The following ZFR variants were observed in gnomAD, a reference collection of about 807,000 sequenced individuals.
ZFR encodes the protein zinc finger RNA binding protein.
Under a neutral mutation model 130.7 loss-of-function variants are expected in ZFR, and 19 were observed. The observed-to-expected ratio is 0.15, with a 90% CI of 0.10 to 0.21. The LOEUF (loss-of-function observed/expected upper bound fraction) is 0.21, where lower values mean the gene tolerates loss of function less well. ZFR is among the 10% of genes least tolerant of loss of function. The pLI is 1.00. For synonymous variants in ZFR, 466 were observed against 456.9 expected, an observed-to-expected ratio of 1.02 and a Z score of -0.25; for missense variants, 872 against 1,321.5, an observed-to-expected ratio of 0.66 and a Z score of 5.27.
intron 2 of ZFR, among the ~76,000 whole-genome samples, chr5:32,441,782 T>C (rs1303259264): frequency 6.6e-6 from 1 of 152,230 alleles, no homozygotes; most frequent in African/African-American, 2.4e-5. Flanking sequence ...TGCCATTAAA[T>C]GCAAACACTT....
chr5:32,439,573 C>A (rs1168413500), intron 2 of ZFR, among the ~76,000 whole-genome samples: 1 of 152,022 alleles, frequency 6.6e-6, no homozygotes, highest in Non-Finnish European at 1.5e-5. Context: ...TAAGGTACAG[C>A]AATAGTCAAA....
intron 19 of ZFR, among the ~76,000 whole-genome samples, chr5:32,360,397 C>T (rs1395391327): frequency 2.6e-5 from 4 of 152,198 alleles, no homozygotes; most frequent in African/African-American, 9.7e-5. Flanking sequence ...ACCCCTCTAT[C>T]CTTAGGCCCT....
At chr5:32,437,404 A>C (rs1004545645) in intron 2 of ZFR, among the ~76,000 whole-genome samples, 5 of 152,210 alleles carry the variant, frequency 3.3e-5, no homozygotes, top group Admixed American at 2.6e-4. Flanking sequence ...CTAATATTCA[A>C]ATAAAACAAA....
intron 11 of ZFR, among the ~76,000 whole-genome samples, chr5:32,390,665 A>G (rs147768003): frequency 6.6e-6 from 1 of 152,192 alleles, no homozygotes; most frequent in African/African-American, 2.4e-5. Context: ...TAAAAAGAAC[A>G]GGCATCAGAA....
chr5:32,379,095 T>C lies in ZFR; in HGVS notation c.2835+20A>G. On this transcript the variant is annotated intron_variant, in intron 17 of 19. Transcript: ENST00000265069. ...TTATTTCCTACATGTTTTTACACCA[T>C]ACAGTTACGTACTACTTACCCAGCT... is the stretch of plus-strand genomic sequence containing the variant. 1 of 1,566,326 alleles carries C rather than the reference T, an allele frequency of 6.4e-7. No individual in the cohort carries two copies. The highest frequency in any genetic ancestry group is 8.8e-7 in the Non-Finnish European group (1 of 1,137,250).
chr5:32,444,557 G>A (rs984966387), intron 1 of ZFR, 65 bp downstream of exon 1: 3 of 1,432,610 alleles, frequency 2.1e-6, no homozygotes, highest in Admixed American at 7.1e-5. Flanking sequence ...AACCCCCGCG[G>A]CTCCCCGCTG....
At position 32,415,063 on chromosome 5, in the gene ZFR, T is replaced by C; in HGVS notation, c.690A>G (p.Val230=). 1.2e-6 allele frequency: 2 copies of C among 1,614,146 alleles called. No homozygotes were observed. Among genetic ancestry groups the C allele is most frequent in the Middle Eastern group, 1.6e-4 (1 of 6,062 alleles). The stretch of plus-strand genomic sequence containing the variant: ...CTGCTACTGGCTGTACGGTGGAGGA[T>C]ACAGGATAGATGGAGAAAGTAGTGG... ...PATTTFSIYP[V]SSTVQPVAAA... is the part of the protein sequence containing the mutation. Residue 230 remains valine (V), a synonymous_variant, in exon 5 of 20, where the codon GTA becomes GTG. Transcript: ENST00000265069.
Position 32,390,458 on chromosome 5 carries a change from T to C in ZFR, c.1980-21A>G, listed in dbSNP as rs779425634. On this transcript the variant is annotated intron_variant, in intron 11 of 19. Transcript: ENST00000265069. Reference sequence around the variant, plus strand: ...AACGTCTGAAACATAAAGAATGACATTATAAGCATATGAGGAAAAATACAG... The same window carrying C: ...AACGTCTGAAACATAAAGAATGACACTATAAGCATATGAGGAAAAATACAG... The C allele has an allele frequency of 2.5e-6, 4 of 1,599,548 alleles. 1 individual carries two copies. The South Asian group carries it at 4.4e-5, about 18-fold the overall frequency.
intron 12 of ZFR, among the ~76,000 whole-genome samples, chr5:32,389,575 G>T (rs891276624): frequency 2.0e-5 from 3 of 151,952 alleles, no homozygotes. Flanking sequence ...CCGGCTACTC[G>T]GGAAGCTGAG....
Position 32,390,431 on chromosome 5 carries a change from A to G in ZFR, c.1986T>C (p.Tyr662=). Residue 662 remains tyrosine, a synonymous_variant, in exon 12 of 20, where the codon TAT becomes TAC. Coordinates refer to ENST00000265069, the MANE Select transcript of ZFR (RefSeq NM_016107.5). ...TTCTCCTCCAGTACATGTCCTCTTC[A>G]TAACGTCTGAAACATAAAGAATGAC... ...EERWRMEMRR[Y]EEDMYWRRME... The G allele has an allele frequency of 1.9e-6, 3 of 1,613,250 alleles. No individual in the cohort carries two copies. The highest frequency in any genetic ancestry group is 1.3e-5 in the African/African-American group (1 of 75,032).
rs775947393 is a variant in ZFR at position 32,379,166 on chromosome 5, A to T, written c.2784T>A (p.Ile928=). ...GLQSCVIIIR[I]LRDLCQRVPT... ...GAACTCGCTGACAGAGGTCTCGAAG[A>T]ATGCGTATGATAATCACACAGGACT... Residue 928 remains isoleucine, a synonymous_variant, in exon 17 of 20, where the codon ATT becomes ATA. Coordinates refer to ENST00000265069, the MANE Select transcript of ZFR (RefSeq NM_016107.5). 7 of 1,614,040 alleles carry T rather than the reference A, an allele frequency of 4.3e-6. No homozygotes were observed. Among genetic ancestry groups the T allele is most frequent in the Non-Finnish European group, 4.2e-6 (5 of 1,179,966 alleles).
At chr5:32,387,877 AAAAAAAT>A (rs1251047500) in intron 13 of ZFR, among the ~76,000 whole-genome samples, 178 bp from the exon 14 acceptor site, 1 of 152,210 alleles carries the variant, frequency 6.6e-6, no homozygotes, top group Non-Finnish European at 1.5e-5. Context: ...TGGATAAAAA[AAAAAAAT>A]AATAAAGAGC....
intron 12 of ZFR, among the ~76,000 whole-genome samples, chr5:32,389,586 G>C (rs1753116867): frequency 6.6e-6 from 1 of 152,144 alleles, no homozygotes; most frequent in African/African-American, 2.4e-5. Context: ...GGAAGCTGAG[G>C]CTTCGGTGAG....
At chr5:32,366,577 A>C (rs1321269794) in intron 17 of ZFR, among the ~76,000 whole-genome samples, 1 of 152,246 alleles carries the variant, frequency 6.6e-6, no homozygotes, top group African/African-American at 2.4e-5. Flanking sequence ...TTTACTGTGA[A>C]CTAAGCAATT....
chr5:32,364,893 A>G (rs1166189469), intron 17 of ZFR: 1 of 152,240 alleles, frequency 6.6e-6, no homozygotes, highest in East Asian at 1.9e-4. Flanking sequence ...ACAATTCAGT[A>G]GTTTTTAGTA....
chr5:32,396,580 A>G (rs1252915697), intron 10 of ZFR, among the ~76,000 whole-genome samples: 1 of 152,090 alleles, frequency 6.6e-6, no homozygotes, highest in Non-Finnish European at 1.5e-5. Context: ...TCTACTAAAA[A>G]TACAAAAATT....
intron 17 of ZFR, among the ~76,000 whole-genome samples, chr5:32,374,024 A>T (rs1358154453): frequency 6.6e-6 from 1 of 152,202 alleles, no homozygotes; most frequent in Non-Finnish European, 1.5e-5. Flanking sequence ...ACCAATCTGC[A>T]GTGCTGAAAA....
At chr5:32,362,383 G>A (rs1041765428) in intron 19 of ZFR, among the ~76,000 whole-genome samples, 5 of 152,114 alleles carry the variant, frequency 3.3e-5, no homozygotes, top group South Asian at 4.2e-4. Flanking sequence ...CACTGTGGAA[G>A]GAAATATGGA....
chr5:32,391,210 A>C (rs1561883256), intron 11 of ZFR, among the ~76,000 whole-genome samples: 2 of 152,182 alleles, frequency 1.3e-5, no homozygotes, highest in Admixed American at 6.5e-5. Flanking sequence ...CACAGTATAC[A>C]CCCTACTAGC....
Sources: allele counts gnomAD v4.1 joint callset (sites outside exome capture counted in the v4.1 genomes callset), GRCh38; gene constraint gnomAD v4.1.1; transcripts MANE v1.5; gene names NCBI Gene and HGNC (gene_info 2026-07-23, HGNC 2026-07-21).